The following STK32B variants were observed in gnomAD, a reference collection of about 807,000 sequenced individuals.
The protein encoded by STK32B is serine/threonine-protein kinase 32B.
In STK32B, 43 loss-of-function variants were observed where a neutral mutation model predicts 52.6. The observed-to-expected ratio is 0.82, with a 90% CI of 0.64 to 1.05. The LOEUF (loss-of-function observed/expected upper bound fraction) is 1.05, where lower values mean the gene tolerates loss of function less well. Among genes scored for constraint, STK32B ranks in the 50% least tolerant of loss-of-function variants. The probability of loss-of-function intolerance (pLI) is 0.00; values close to 1 mark genes in which losing one functional copy is unlikely to be tolerated. For synonymous variants in STK32B, 238 were observed against 204.3 expected (o/e 1.17, Z -1.41); for missense variants, 621 against 534.6 (o/e 1.16, Z -1.59).
chr4:5,087,697 A>G (rs1241445561), intron 1 of STK32B, among the ~76,000 whole-genome samples: 1 of 152,008 alleles, frequency 6.6e-6, no homozygotes, highest in African/African-American at 2.4e-5. Context: ...TTACTAGAGT[A>G]AATAAGGATA....
chr4:5,124,581 T>C lies in STK32B; in HGVS notation c.53-15324T>C, dbSNP rs565577634. On this transcript the variant is annotated intron_variant, in intron 1 of 11. Coordinates refer to ENST00000282908, the MANE Select transcript of STK32B (RefSeq NM_018401.3). ...ACAAAAAAACAGAAGATCTTAACTC[T>C]ACAGGGACACTACAGGTCATAGATA... 2.6e-4 allele frequency among the ~76,000 whole-genome samples: 40 copies of C among 152,308 alleles called. 1 individual carries two copies. The South Asian group carries it at 8.1e-3, about 31-fold the overall frequency.
chr4:5,407,224 C>A lies in STK32B; in HGVS notation c.472+8980C>A, dbSNP rs922921024. On this transcript the variant is annotated intron_variant, in intron 5 of 11. Coordinates refer to ENST00000282908, the MANE Select transcript of STK32B (RefSeq NM_018401.3). ...AAAAAGTGACCTTTGCTCCAGTTCC[C>A]AATAGGTTCCTCATCTCCATCTGAC... Among the ~76,000 whole-genome samples the A allele has an allele frequency of 4.6e-5, 7 of 152,142 alleles. 1 individual carries two copies. Among genetic ancestry groups the A allele is most frequent in the African/African-American group, 1.7e-4 (7 of 41,410 alleles).
In STK32B at chr4:5,398,147, C is replaced by T. The variant is rs1055249656; in HGVS notation, c.435-60C>T. The stretch of plus-strand genomic sequence containing the variant: ...GCATTTGTCCTGATGTGGTGCTTGT[C>T]TATGTGCTCATCTGTGGGCTCAGGA... On this transcript the variant is annotated intron_variant, in intron 4 of 11. Transcript: ENST00000282908. The surrounding 1 kb of genome is among the most constrained non-coding windows in gnomAD (Gnocchi z 4.9). 3.8e-6 allele frequency: 6 copies of T among 1,598,458 alleles called. No individual in the cohort carries two copies. The African/African-American group carries it at 8.0e-5, about 21-fold the overall frequency.
chr4:5,471,194 G>C (rs906810243), intron 11 of STK32B, among the ~76,000 whole-genome samples: 1 of 152,184 alleles, frequency 6.6e-6, no homozygotes, highest in African/African-American at 2.4e-5. Context: ...CAGGTTGCAT[G>C]GTGTCCCTCA....
chr4:5,497,073 T>C (rs971046954), intron 11 of STK32B, among the ~76,000 whole-genome samples: 1 of 152,190 alleles, frequency 6.6e-6, no homozygotes, highest in Non-Finnish European at 1.5e-5. Context: ...AGCCTCAAGA[T>C]ATCAATGAGC....
intron 11 of STK32B, among the ~76,000 whole-genome samples, chr4:5,496,668 G>A (rs548267130): frequency 4.0e-4 from 61 of 152,240 alleles, no homozygotes; most frequent in Non-Finnish European, 7.4e-4. Context: ...GCTGTAGACC[G>A]GAGCTGTTCC....
intron 1 of STK32B, among the ~76,000 whole-genome samples, chr4:5,095,949 G>A (rs926798758): frequency 6.6e-6 from 1 of 152,198 alleles, no homozygotes; most frequent in Non-Finnish European, 1.5e-5. Context: ...AAGTGAAAAA[G>A]CTGGTTACAC....
chr4:5,416,877 A>G lies in STK32B; in HGVS notation c.505A>G (p.Thr169Ala). The G allele has an allele frequency of 6.2e-7, 1 of 1,613,968 alleles. No homozygotes were observed. The highest frequency in any genetic ancestry group is 2.2e-5 in the East Asian group (1 of 44,876). Residue 169 changes from threonine to alanine, a missense_variant, in exon 6 of 12, where the codon ACG becomes GCG. Thr to Ala is a moderately conservative substitution (Grantham distance 58). Coordinates refer to ENST00000282908, the MANE Select transcript of STK32B (RefSeq NM_018401.3). ...HVHITDFNIA[T>A]VVKGAERASS... ...TCACATTACAGACTTCAACATAGCG[A>G]CGGTAGTGAAAGGAGCAGAAAGGGC... is the stretch of plus-strand genomic sequence containing the variant.
chr4:5,069,703 A>T (rs940738927), intron 1 of STK32B, among the ~76,000 whole-genome samples: 18 of 152,324 alleles, frequency 1.2e-4, no homozygotes, highest in Admixed American at 1.2e-3. Context: ...ATGTACGTAA[A>T]GTGCTTACAC....
chr4:5,163,819 C>T (rs13111805), intron 2 of STK32B, among the ~76,000 whole-genome samples: 35,144 of 151,966 alleles, frequency 0.23, 4,327 homozygotes, highest in East Asian at 0.29. Flanking sequence ...CTTAAACTAC[C>T]AGAAATCACT....
chr4:5,316,860 AT>A (rs1560311800), intron 3 of STK32B, among the ~76,000 whole-genome samples: 1 of 5,614 alleles, frequency 1.8e-4, no homozygotes, highest in Non-Finnish European at 2.3e-4. Context: ...TATTATATAT[AT>A]TATATATTAT....
chr4:5,315,362 A>C (rs752936809), intron 3 of STK32B, among the ~76,000 whole-genome samples: 3 of 152,146 alleles, frequency 2.0e-5, no homozygotes, highest in Non-Finnish European at 4.4e-5. Flanking sequence ...ATCTTGGATA[A>C]ATTTTACAAG....
At chr4:5,314,143 C>T (rs1007233131) in intron 3 of STK32B, among the ~76,000 whole-genome samples, 8 of 151,796 alleles carry the variant, frequency 5.3e-5, no homozygotes, top group Non-Finnish European at 1.0e-4. Flanking sequence ...AAGCAGGAGT[C>T]AGCCTACTCA....
At chr4:5,218,548 C>T (rs1297402181) in intron 3 of STK32B, among the ~76,000 whole-genome samples, 1 of 152,160 alleles carries the variant, frequency 6.6e-6, no homozygotes, top group East Asian at 1.9e-4. Context: ...GACATGGCTC[C>T]GGGACCCTAC....
intron 7 of STK32B, among the ~76,000 whole-genome samples, chr4:5,449,412 A>C (rs951223594): frequency 2.0e-5 from 3 of 152,218 alleles, no homozygotes; most frequent in African/African-American, 7.2e-5. Flanking sequence ...TGCATTGAAA[A>C]TAATGGGTGG....
intron 1 of STK32B, among the ~76,000 whole-genome samples, chr4:5,077,211 C>T (rs1712136735): frequency 6.6e-6 from 1 of 152,162 alleles, no homozygotes; most frequent in African/African-American, 2.4e-5. Flanking sequence ...TGCTAGTGTA[C>T]TGTACATTTA....
rs1282889385 is a variant in STK32B, at chr4:5,380,302, G to T, written c.435-17905G>T. On this transcript the variant is annotated intron_variant, in intron 4 of 11. Coordinates refer to ENST00000282908, the MANE Select transcript of STK32B (RefSeq NM_018401.3). The surrounding 1 kb of genome is among the most constrained non-coding windows in gnomAD (Gnocchi z 4.3). Reference sequence around the variant, plus strand: ...CCTGATCTATTTAATCCAGGCCCTCGCTTCCCTCCCAGCCCTCCTCCCGAA... The same window carrying T: ...CCTGATCTATTTAATCCAGGCCCTCTCTTCCCTCCCAGCCCTCCTCCCGAA... Among the ~76,000 whole-genome samples, 1 of 151,962 alleles carries T rather than the reference G, an allele frequency of 6.6e-6. No homozygotes were observed. Among genetic ancestry groups the T allele is most frequent in the Non-Finnish European group, 1.5e-5 (1 of 68,022 alleles).
intron 2 of STK32B, among the ~76,000 whole-genome samples, chr4:5,164,127 A>G (rs1718674646): frequency 1.3e-5 from 2 of 152,192 alleles, no homozygotes; most frequent in Admixed American, 1.3e-4. Flanking sequence ...TAACTTCCTA[A>G]ACCAGGTAGC....
chr4:5,121,565 A>G (rs1283015516), intron 1 of STK32B, among the ~76,000 whole-genome samples: 1 of 152,232 alleles, frequency 6.6e-6, no homozygotes, highest in African/African-American at 2.4e-5. Context: ...AATCACAATT[A>G]TGATAGCAAT....
Sources: gnomAD v4.1 joint callset for allele counts (sites outside exome capture counted in the v4.1 genomes callset) on GRCh38, gnomAD v4.1.1 for gene constraint, Gnocchi (gnomAD v3.1) non-coding constraint, MANE v1.5 for transcripts, NCBI Gene and HGNC (gene_info 2026-07-23, HGNC 2026-07-21) for gene names.